MCFD2: variants seen among roughly 807,000 people sequenced by gnomAD.
MCFD2 encodes multiple coagulation factor deficiency protein 2.
MCFD2 carries 11 observed loss-of-function variants against 12.8 expected under a neutral mutation model. The ratio of observed to expected loss-of-function variants is 0.86; its 90% CI spans 0.54 to 1.42. MCFD2 has a LOEUF of 1.42. Ranked by LOEUF, MCFD2 falls within the 40% of genes most tolerant of loss-of-function variation. MCFD2 has a pLI of 0.00. For synonymous variants in MCFD2, 70 were observed against 68.1 expected, an observed-to-expected ratio of 1.03 and a Z score of -0.14; for missense variants, 191 against 178.6, an observed-to-expected ratio of 1.07 and a Z score of -0.40.
In MCFD2 at chr2:46,903,902, G is replaced by A. The variant is rs1668109168; in HGVS notation, c.*1561C>T. 6.6e-6 allele frequency: 1 copy of A among 152,158 alleles called. No homozygotes were observed. Among genetic ancestry groups the A allele is most frequent in the Non-Finnish European group, 1.5e-5 (1 of 68,034 alleles). 9.4% of individuals were successfully genotyped at this position (152,158 alleles called of 1,614,324 possible). A position where few individuals can be genotyped will look rare whatever the true frequency, so the allele number is the denominator to read the frequency against. On this transcript the variant is annotated 3_prime_UTR_variant, in exon 4 of 4. Coordinates refer to ENST00000319466, the MANE Select transcript of MCFD2 (RefSeq NM_139279.6). ...TGCAGAAATTTGCATAAGTAGCAAG[G>A]AGCCTAATGTTAATCCCCAACACCA...
Position 46,934,787 on chromosome 2 carries a change from C to CTTTTTTTTTTTT in MCFD2, c.-8+6773_-8+6784dup, listed in dbSNP as rs1161003607. On this transcript the variant is annotated intron_variant, in intron 1 of 2. Coordinates refer to the MCFD2 transcript ENST00000409147. ...GGAATAAGGTATGAAGACTACTGCTCTTTTTTTTTTTTTTTTTTTTTTTTT... is the reference window on the plus strand; with the variant it reads ...GGAATAAGGTATGAAGACTACTGCTCTTTTTTTTTTTTTTTTTTTTTTTTTTTTTTTTTTTTT... Among the ~76,000 whole-genome samples the CTTTTTTTTTTTT allele has an allele frequency of 1.1e-3, 71 of 66,914 alleles. 4 individuals carry two copies. The highest frequency in any genetic ancestry group is 1.6e-3 in the Non-Finnish European group (60 of 37,308). 43.9% of individuals were successfully genotyped at this position (66,914 alleles called of 152,430 possible).
intron 1 of MCFD2, among the ~76,000 whole-genome samples, chr2:46,930,549 G>C (rs1285562822): frequency 6.7e-6 from 1 of 148,672 alleles, no homozygotes; most frequent in Admixed American, 6.7e-5. Context: ...CCCCAGGCTG[G>C]AATGCAGTGG....
At chr2:46,917,292 CG>C (rs1367369684), upstream of MCFD2, 1 of 659,180 alleles carries the variant, frequency 1.5e-6, no homozygotes, top group Non-Finnish European at 2.7e-6. Flanking sequence ...GCCACCGCGC[CG>C]GGACAAAGAA....
intron 1 of MCFD2, among the ~76,000 whole-genome samples, chr2:46,921,671 A>AG (rs1351659617): frequency 6.6e-6 from 1 of 152,224 alleles, no homozygotes; most frequent in Admixed American, 6.5e-5. Context: ...TTTTGGCACC[A>AG]GGGACCAGTT....
rs1486712419 is a variant in MCFD2 at position 46,905,286 on chromosome 2, AT to A, written c.*176del. ...GCACTTAGGGACTATTAGATGTCCC[AT>A]TTCTCTTCTCTTTCATTTCTCTTAT... On this transcript the variant is annotated 3_prime_UTR_variant, in exon 4 of 4. Coordinates refer to ENST00000319466, the MANE Select transcript of MCFD2 (RefSeq NM_139279.6). The A allele has an allele frequency of 1.4e-6, 1 of 695,368 alleles. No individual in the cohort carries two copies. Among genetic ancestry groups the A allele is most frequent in the Non-Finnish European group, 2.6e-6 (1 of 391,252 alleles). 43.1% of individuals were successfully genotyped at this position (695,368 alleles called of 1,614,324 possible).
chr2:46,909,472 T>C (rs1376939214), intron 1 of MCFD2, among the ~76,000 whole-genome samples: 3 of 150,966 alleles, frequency 2.0e-5, no homozygotes, highest in African/African-American at 7.4e-5. Context: ...CCAGAAGTTA[T>C]GGTCCCCTGA....
intron 1 of MCFD2, among the ~76,000 whole-genome samples, chr2:46,910,417 A>G (rs1006175160): frequency 1.3e-5 from 2 of 152,204 alleles, no homozygotes; most frequent in Non-Finnish European, 2.9e-5. Flanking sequence ...GCTAGATAAC[A>G]AGGCCAGGGA....
chr2:46,921,709 T>C (rs1402142274), intron 1 of MCFD2, among the ~76,000 whole-genome samples: 2 of 152,146 alleles, frequency 1.3e-5, no homozygotes, highest in Non-Finnish European at 2.9e-5. Context: ...TCCATGGAAG[T>C]GGTTGGGGGA....
chr2:46,927,355 AT>A (rs60808815), intron 1 of MCFD2, among the ~76,000 whole-genome samples: 15,324 of 132,858 alleles, frequency 0.12, 1,049 homozygotes, highest in African/African-American at 0.25. Context: ...AGAAAAAAAG[AT>A]TTTTTTTTTT....
rs1190351528 is a variant in MCFD2, at chr2:46,903,642, G to A, written c.*1821C>T. ...CTTGTTATGTTTTAGCAAAGAGACT[G>A]GCAGCATTTTGCCCCTTCCATAGGG... is the stretch of plus-strand genomic sequence containing the variant. On this transcript the variant is annotated 3_prime_UTR_variant, in exon 4 of 4. Transcript: ENST00000319466. 1 of 152,198 alleles carries A rather than the reference G, an allele frequency of 6.6e-6. No individual in the cohort carries two copies. Among genetic ancestry groups the A allele is most frequent in the East Asian group, 1.9e-4 (1 of 5,194 alleles). 9.4% of individuals were successfully genotyped at this position (152,198 alleles called of 1,614,324 possible).
chr2:46,920,033 A>G (rs1226471005), upstream of MCFD2, among the ~76,000 whole-genome samples: 2 of 152,198 alleles, frequency 1.3e-5, no homozygotes, highest in Non-Finnish European at 2.9e-5. Context: ...CAGATATACT[A>G]TAAACTGGGG....
chr2:46,934,154 G>T (rs964719234), intron 1 of MCFD2, among the ~76,000 whole-genome samples: 1 of 152,242 alleles, frequency 6.6e-6, no homozygotes, highest in Non-Finnish European at 1.5e-5. Context: ...TGTTGACCTT[G>T]ACATGGCTTT....
rs1206705908 is a variant in MCFD2, at chr2:46,937,110, C to T, written c.-8+4462G>A. On this transcript the variant is annotated intron_variant, in intron 1 of 2. Transcript: ENST00000409147. The surrounding 1 kb of genome is among the most constrained non-coding windows in gnomAD (Gnocchi z 4.0). ...AGCTCAAGTGATCTGCCCACCTTGG[C>T]CTCCCAAAGTGCTAGGATTACAGGA... is the stretch of plus-strand genomic sequence containing the variant. 2.0e-5 allele frequency among the ~76,000 whole-genome samples: 3 copies of T among 152,102 alleles called. No homozygotes were observed. Among genetic ancestry groups the T allele is most frequent in the Admixed American group, 1.3e-4 (2 of 15,270 alleles).
At chr2:46,936,558 G>T (rs1033663070) in intron 1 of MCFD2, among the ~76,000 whole-genome samples, 9 of 152,176 alleles carry the variant, frequency 5.9e-5, no homozygotes, top group Non-Finnish European at 2.9e-5. Context: ...GCAACTGTCA[G>T]CTCACCATTC....
rs1670418219 is a variant in MCFD2 at position 46,941,772 on chromosome 2, G to T, written c.-208C>A. ...CTCGCCGGCAGCGAGCGCGCGAAAC[G>T]CACCGCCTCCTCCAGGAAGCGCGCC... On this transcript the variant is annotated 5_prime_UTR_variant, in exon 1 of 3. Coordinates refer to the MCFD2 transcript ENST00000409147. The surrounding 1 kb of genome is among the most constrained non-coding windows in gnomAD (Gnocchi z 4.2). 7.8e-6 allele frequency: 12 copies of T among 1,545,382 alleles called. No individual in the cohort carries two copies. Among genetic ancestry groups the T allele is most frequent in the Non-Finnish European group, 1.0e-5 (12 of 1,144,712 alleles).
At chr2:46,925,143 G>T (rs746205157) in intron 1 of MCFD2, among the ~76,000 whole-genome samples, 1 of 152,066 alleles carries the variant, frequency 6.6e-6, no homozygotes, top group Non-Finnish European at 1.5e-5. Context: ...TCAGTGATGG[G>T]GGTTGTCTGG....
intron 3 of MCFD2, 66 bp from the exon 4 acceptor site, chr2:46,905,660 C>T (rs1572606100): frequency 1.7e-6 from 2 of 1,210,794 alleles, no homozygotes; most frequent in East Asian, 5.0e-5. Context: ...TAACTAACGT[C>T]CAAAATATCC....
chr2:46,938,523 T>A (rs935084726), intron 1 of MCFD2, among the ~76,000 whole-genome samples: 1 of 152,154 alleles, frequency 6.6e-6, no homozygotes, highest in Non-Finnish European at 1.5e-5. Context: ...GTGAATGGAG[T>A]TACCACATGA....
At chr2:46,920,470 C>T (rs1000622157), upstream of MCFD2, among the ~76,000 whole-genome samples, 5 of 151,814 alleles carry the variant, frequency 3.3e-5, no homozygotes, top group Non-Finnish European at 7.4e-5. Context: ...GCTGGGATTA[C>T]AGGCAACAAC....
Sources: gnomAD v4.1 joint callset for allele counts (sites outside exome capture counted in the v4.1 genomes callset) on GRCh38, gnomAD v4.1.1 for gene constraint, Gnocchi (gnomAD v3.1) non-coding constraint, MANE v1.5 for transcripts, NCBI Gene and HGNC (gene_info 2026-07-23, HGNC 2026-07-21) for gene names.